Variants in FBXO22 observed in about 807,000 individuals in gnomAD.
The protein encoded by FBXO22 is F-box protein 22.
Under a neutral mutation model 37.2 loss-of-function variants are expected in FBXO22, and 13 were observed. That is an observed-to-expected ratio of 0.35 (90% CI 0.23 to 0.56). The LOEUF is 0.56. Among genes scored for constraint, FBXO22 ranks in the 20% least tolerant of loss-of-function variants. FBXO22 has a pLI of 0.87. For missense variants in FBXO22, 446 were observed against 509.9 expected (o/e 0.87, Z 1.21); for synonymous variants, 189 against 189.1 (o/e 1.00, Z 0.00).
At chr15:75,922,275 C>T (rs1252323331) in intron 5 of FBXO22, among the ~76,000 whole-genome samples, 1 of 152,222 alleles carries the variant, frequency 6.6e-6, no homozygotes, top group African/African-American at 2.4e-5. Context: ...GCTTACTGTG[C>T]GTGTCACCAC....
intron 5 of FBXO22, among the ~76,000 whole-genome samples, chr15:75,922,197 G>A (rs1466715393): frequency 6.6e-6 from 1 of 152,204 alleles, no homozygotes; most frequent in African/African-American, 2.4e-5. Context: ...TGAGTAATGC[G>A]TTGTGCTACA....
At position 75,940,972 on chromosome 15, in the gene FBXO22, A is replaced by C. The variant is rs996817949; in HGVS notation, c.*7870A>C. ...TACTTCATTAAAATTTTGTGCATCA[A>C]AGAACACTATCAACAGAGTAAAAAG... On this transcript the variant is annotated 3_prime_UTR_variant, in exon 7 of 7. Coordinates refer to ENST00000308275, the MANE Select transcript of FBXO22 (RefSeq NM_147188.3). 3 of 152,182 alleles carry C rather than the reference A, an allele frequency of 2.0e-5. No homozygotes were observed. The highest frequency in any genetic ancestry group is 4.4e-5 in the Non-Finnish European group (3 of 67,994). The allele number at this position is 152,182 out of a possible 1,614,324, so 9.4% of individuals were successfully genotyped here. A position where few individuals can be genotyped will look rare whatever the true frequency, so the allele number is the denominator to read the frequency against.
In FBXO22 at chr15:75,932,232, CATT is replaced by C. The variant is rs563494766; in HGVS notation, c.795-447_795-445del. Among the ~76,000 whole-genome samples, 379 of 152,306 alleles carry C rather than the reference CATT, an allele frequency of 2.5e-3. 3 individuals carry two copies. The highest frequency in any genetic ancestry group is 8.7e-3 in the African/African-American group (363 of 41,574). On this transcript the variant is annotated intron_variant, in intron 6 of 6. Coordinates refer to ENST00000308275, the MANE Select transcript of FBXO22 (RefSeq NM_147188.3). ...TCTCTAAAAAAATAAAATCACCCTC[CATT>C]ATTATATTTTTAATATACATCTTTC...
At position 75,933,696 on chromosome 15, in the gene FBXO22, T is replaced by TA. The variant is rs1337272209; in HGVS notation, c.*598dup. ...AGACTAATCAGTATTTTATTATAAGTAAAAGATTTTTCTTCTTTCCTTAAA... is the reference window on the plus strand; with the variant it reads ...AGACTAATCAGTATTTTATTATAAGTAAAAAGATTTTTCTTCTTTCCTTAAA... On this transcript the variant is annotated 3_prime_UTR_variant, in exon 7 of 7. Coordinates refer to ENST00000308275, the MANE Select transcript of FBXO22 (RefSeq NM_147188.3). The TA allele has an allele frequency of 3.5e-6, 1 of 285,832 alleles. No individual in the cohort carries two copies. The highest frequency in any genetic ancestry group is 6.8e-6 in the Non-Finnish European group (1 of 147,252). The allele number at this position is 285,832 out of a possible 1,614,324, so 17.7% of individuals were successfully genotyped here. A position where few individuals can be genotyped will look rare whatever the true frequency, so the allele number is the denominator to read the frequency against.
At chr15:75,912,415 G>T (rs1247647611) in intron 2 of FBXO22, among the ~76,000 whole-genome samples, 3 of 151,930 alleles carry the variant, frequency 2.0e-5, no homozygotes, top group Admixed American at 1.3e-4. Context: ...TTTTTTGGTT[G>T]GTAGGCTATT....
At position 75,938,974 on chromosome 15, in the gene FBXO22, A is replaced by G. The variant is rs1268628067; in HGVS notation, c.*5872A>G. The G allele has an allele frequency of 1.3e-5, 2 of 152,174 alleles. No individual in the cohort carries two copies. The highest frequency in any genetic ancestry group is 1.3e-4 in the Admixed American group (2 of 15,282). 9.4% of individuals were successfully genotyped at this position (152,174 alleles called of 1,614,324 possible). On this transcript the variant is annotated 3_prime_UTR_variant, in exon 7 of 7. Transcript: ENST00000308275. ...CAGTGAAAGCACTGCTAAAAGGGAA[A>G]TTTGTAGACATAAATGCTTACATTA... is the stretch of plus-strand genomic sequence containing the variant.
intron 6 of FBXO22, 30 bp downstream of exon 6, chr15:75,930,079 G>A (rs760231297): frequency 6.2e-7 from 1 of 1,613,280 alleles, no homozygotes; most frequent in African/African-American, 1.3e-5. Flanking sequence ...GATTTCGTCT[G>A]TGAATGAAGG....
chr15:75,904,457 C>A (rs1481515746), intron 1 of FBXO22, 34 bp from the exon 2 acceptor site: 86 of 1,612,868 alleles, frequency 5.3e-5, no homozygotes, highest in Non-Finnish European at 7.0e-5. Flanking sequence ...AAATGAACGT[C>A]CGTTCGCAAT....
At chr15:75,906,231 C>T (rs897433163) in intron 2 of FBXO22, among the ~76,000 whole-genome samples, 3 of 151,944 alleles carry the variant, frequency 2.0e-5, no homozygotes, top group Non-Finnish European at 4.4e-5. Context: ...CTGCCTTGGT[C>T]CTGGAATTGG....
In FBXO22 at chr15:75,904,638, C is replaced by G; in HGVS notation, c.279+9C>G. On this transcript the variant is annotated intron_variant, in intron 2 of 6. Transcript: ENST00000308275. ...TAGCAGAGGAGCTTGAGGCAAGTAGCAAGGGGTGTCATGCACAGTCATTTG... is the reference window on the plus strand; with the variant it reads ...TAGCAGAGGAGCTTGAGGCAAGTAGGAAGGGGTGTCATGCACAGTCATTTG... The G allele has an allele frequency of 3.8e-6, 6 of 1,597,524 alleles. No individual in the cohort carries two copies. The highest frequency in any genetic ancestry group is 5.1e-6 in the Non-Finnish European group (6 of 1,169,792).
intron 5 of FBXO22, 85 bp from the exon 6 acceptor site, chr15:75,929,799 G>T (rs335679): frequency 0.96 from 1,491,186 of 1,547,810 alleles, 721,236 homozygotes; most frequent in East Asian, 1. Flanking sequence ...TGGAGTGCAA[G>T]TCAGTAACAT....
rs1213960450 is a variant in FBXO22 at position 75,929,892 on chromosome 15, G to T, written c.637G>T (p.Asp213Tyr). Residue 213 changes from aspartate to tyrosine, a missense_variant, in exon 6 of 7, where the codon GAT becomes TAT. Asp to Tyr is a radical substitution (Grantham distance 160). Coordinates refer to ENST00000308275, the MANE Select transcript of FBXO22 (RefSeq NM_147188.3). ...TCTTCATTTCTCTGCAGGTCTTTTAGATAACCCTGAACTTCGTGTGGTCCT... is the reference window on the plus strand; with the variant it reads ...TCTTCATTTCTCTGCAGGTCTTTTATATAACCCTGAACTTCGTGTGGTCCT... ...RHQLTEVGLL[D>Y]NPELRVVLVF... 6.2e-7 allele frequency: 1 copy of T among 1,613,904 alleles called. No homozygotes were observed. The highest frequency in any genetic ancestry group is 1.7e-5 in the Admixed American group (1 of 60,002).
At chr15:75,909,779 T>TA (rs1309656589) in intron 2 of FBXO22, among the ~76,000 whole-genome samples, 1 of 150,534 alleles carries the variant, frequency 6.6e-6, no homozygotes, top group African/African-American at 2.4e-5. Context: ...TGATACTTTT[T>TA]TTTTTTTTTA....
intron 2 of FBXO22, chr15:75,905,459 C>G (rs992412499): frequency 1.3e-5 from 2 of 152,270 alleles, no homozygotes; most frequent in Non-Finnish European, 2.9e-5. Context: ...CAGTAAAGTG[C>G]CAACCTGCTG....
chr15:75,916,975 A>G (rs1485767912), intron 4 of FBXO22, among the ~76,000 whole-genome samples: 3 of 152,182 alleles, frequency 2.0e-5, no homozygotes, highest in African/African-American at 7.2e-5. Context: ...ATACCCATAT[A>G]CCCTTTATCT....
chr15:75,916,165 CCA>C (rs1490251390), intron 4 of FBXO22, among the ~76,000 whole-genome samples: 2 of 151,226 alleles, frequency 1.3e-5, no homozygotes, highest in African/African-American at 4.9e-5. Context: ...CCTTTAAGCA[CCA>C]CAGAGTTAAC....
rs1303797381 is a variant in FBXO22 at position 75,932,836 on chromosome 15, G to C, written c.946G>C (p.Glu316Gln). The C allele has an allele frequency of 1.2e-6, 2 of 1,614,256 alleles. No homozygotes were observed. Among genetic ancestry groups the C allele is most frequent in the Non-Finnish European group, 8.5e-7 (1 of 1,180,050 alleles). The change falls in exon 7 of 7, where the codon GAG (glutamate) becomes CAG (glutamine). Residue 316 changes from glutamate to glutamine, a missense_variant. Physicochemically the swap from Glu to Gln is conservative, Grantham distance 29 (BLOSUM62 2). This residue lies in a region of FBXO22 where 315 missense variants were observed against 410.1 expected (regional missense o/e 0.77). Transcript: ENST00000308275. ...MQRLKAANIP[E>Q]HNTIGFMFAC... ...GCGCCTCAAAGCGGCCAACATTCCAGAGCATAACACCATTGGCTTCATGTT... is the reference window on the plus strand; with the variant it reads ...GCGCCTCAAAGCGGCCAACATTCCACAGCATAACACCATTGGCTTCATGTT...
At chr15:75,904,268 G>A (rs1376524776) in intron 1 of FBXO22, 165 bp downstream of exon 1, 3 of 1,151,926 alleles carry the variant, frequency 2.6e-6, no homozygotes, top group Non-Finnish European at 3.6e-6. Flanking sequence ...TCCCAGCCGT[G>A]GTGCCCCGGG....
chr15:75,923,845 C>T (rs935615441), intron 5 of FBXO22, among the ~76,000 whole-genome samples: 5 of 151,930 alleles, frequency 3.3e-5, no homozygotes, highest in African/African-American at 9.7e-5. Flanking sequence ...TGGAGCAGGG[C>T]AGTGGTGAGT....
Sources: gnomAD v4.1 joint callset for allele counts (sites outside exome capture counted in the v4.1 genomes callset) on GRCh38, gnomAD v4.1.1 for gene constraint, gnomAD v4.1.1 regional missense constraint, MANE v1.5 for transcripts, NCBI Gene and HGNC (gene_info 2026-07-23, HGNC 2026-07-21) for gene names.